PBRM1: variants seen among roughly 807,000 people sequenced by gnomAD.
PBRM1 encodes polybromo 1, also known as protein polybromo-1.
PBRM1 carries 27 observed loss-of-function variants against 194.5 expected under a neutral mutation model. The ratio of observed to expected loss-of-function variants is 0.14; its 90% CI spans 0.10 to 0.19. PBRM1 has a LOEUF of 0.19. PBRM1 is among the 10% of genes least tolerant of loss of function. PBRM1 has a pLI of 1.00. For missense variants in PBRM1, 1,466 were observed against 2,077.2 expected (o/e 0.71, Z 5.72); for synonymous variants, 655 against 693.2 (o/e 0.94, Z 0.87).
chr3:52,548,836 T>C (rs2080124442), intron 29 of PBRM1, among the ~76,000 whole-genome samples: 1 of 152,166 alleles, frequency 6.6e-6, no homozygotes, highest in East Asian at 1.9e-4. Flanking sequence ...CCTTCTACTC[T>C]AAAGAAATGA....
At position 52,571,856 on chromosome 3, in the gene PBRM1, C is replaced by CAAAAAA. The variant is rs58430288; in HGVS notation, c.3691+4679_3691+4684dup. On this transcript the variant is annotated intron_variant, in intron 22 of 29. Coordinates refer to ENST00000296302, the Ensembl canonical transcript of PBRM1. ...GAGCAAGAGGGATACCTCATCTCCC[C>CAAAAAA]AAAAAAAAAAAAAAAAAAAAAAAAA... Among the ~76,000 whole-genome samples the CAAAAAA allele has an allele frequency of 2.1e-3, 77 of 37,086 alleles. 28 individuals are homozygous for CAAAAAA. Among genetic ancestry groups the CAAAAAA allele is most frequent in the African/African-American group, 7.5e-3 (65 of 8,724 alleles). The allele number at this position is 37,086 out of a possible 152,430, so 24.3% of individuals were successfully genotyped here. A position where few individuals can be genotyped will look rare whatever the true frequency, so the allele number is the denominator to read the frequency against.
intron 15 of PBRM1, among the ~76,000 whole-genome samples, chr3:52,611,959 C>T (rs999453402): frequency 1.4e-4 from 21 of 151,922 alleles, no homozygotes; most frequent in African/African-American, 5.1e-4. Context: ...GGGGAGTTTA[C>T]AGATTAAAAG....
At chr3:52,660,541 C>T (rs2096701778) in intron 4 of PBRM1, among the ~76,000 whole-genome samples, 1 of 151,724 alleles carries the variant, frequency 6.6e-6, no homozygotes, top group African/African-American at 2.4e-5. Context: ...TAGACAGAGT[C>T]TCATTCTAAG....
In PBRM1 at chr3:52,624,916, C is replaced by T. The variant is rs989376023; in HGVS notation, c.1541+2357G>A. ...GCACACCTGGATAGCCTCCTGAGAC[C>T]CAACATCTCACTGTCATGAGTGTTC... is the stretch of plus-strand genomic sequence containing the variant. On this transcript the variant is annotated intron_variant, in intron 13 of 29. Transcript: ENST00000296302. The T allele has an allele frequency of 5.8e-6, 9 of 1,547,752 alleles. No individual in the cohort carries two copies. In the African/African-American group the frequency reaches 1.1e-4, roughly 19 times the overall value.
chr3:52,670,539 G>C (rs867256594), intron 2 of PBRM1, among the ~76,000 whole-genome samples: 26 of 152,250 alleles, frequency 1.7e-4, no homozygotes, highest in African/African-American at 5.5e-4. Context: ...CAATAGATGA[G>C]GGCAGTCTGG....
At chr3:52,652,872 C>T (rs1044111274) in intron 5 of PBRM1, among the ~76,000 whole-genome samples, 1 of 150,904 alleles carries the variant, frequency 6.6e-6, no homozygotes, top group African/African-American at 2.4e-5. Context: ...GTGGTGTGCG[C>T]CTGTAATCCC....
At chr3:52,605,568 G>A (rs543404912) in intron 16 of PBRM1, among the ~76,000 whole-genome samples, 5 of 150,194 alleles carry the variant, frequency 3.3e-5, no homozygotes, top group South Asian at 4.2e-4. Context: ...TAAAAGACAC[G>A]ATCAATAATC....
At chr3:52,545,410 A>T (rs573113588), downstream of PBRM1, 66 of 231,268 alleles carry the variant, frequency 2.9e-4, no homozygotes, top group African/African-American at 1.4e-3. Flanking sequence ...AAAGCTTTAG[A>T]TGAACAACAA....
At chr3:52,589,900 C>T (rs2092848095) in intron 17 of PBRM1, among the ~76,000 whole-genome samples, 1 of 152,022 alleles carries the variant, frequency 6.6e-6, no homozygotes, top group African/African-American at 2.4e-5. Context: ...ACAATCTCAG[C>T]TCACCACAAC....
At chr3:52,582,195 T>TGCGCCGCTGCAGTGAGCTGAGAC (rs1560056587) in intron 20 of PBRM1, among the ~76,000 whole-genome samples, 1 of 145,636 alleles carries the variant, frequency 6.9e-6, no homozygotes, top group East Asian at 2.2e-4. Flanking sequence ...TGAGCTGAGA[T>TGCGCCGCTGCAGTGAGCTGAGAC]TGCGCCACTG....
chr3:52,642,751 G>A (rs996146755), intron 9 of PBRM1, among the ~76,000 whole-genome samples: 2 of 151,436 alleles, frequency 1.3e-5, no homozygotes, highest in African/African-American at 2.4e-5. Flanking sequence ...CTTAAGCATC[G>A]TCTGAGAGGT....
intron 22 of PBRM1, among the ~76,000 whole-genome samples, chr3:52,572,493 C>T (rs1018518923): frequency 8.5e-5 from 13 of 152,166 alleles, no homozygotes; most frequent in African/African-American, 3.1e-4. Context: ...CTCCCTCAGC[C>T]TCTGAGTAGC....
In PBRM1 at chr3:52,665,151, A is replaced by ATAT. The variant is rs948245961; in HGVS notation, c.385-2878_385-2876dup. ...TGAATGGTACTGACTCCACAAATCA[A>ATAT]TATTATTATTATTATTGTTTTTAAA... On this transcript the variant is annotated intron_variant, in intron 3 of 29. Transcript: ENST00000296302. Among the ~76,000 whole-genome samples the ATAT allele has an allele frequency of 7.2e-5, 11 of 152,042 alleles. No individual in the cohort carries two copies. The South Asian group carries it at 1.5e-3, about 20-fold the overall frequency.
Position 52,587,542 on chromosome 3 carries a change from G to A in PBRM1, c.2966-32C>T, listed in dbSNP as rs745502153. 5 of 1,310,438 alleles carry A rather than the reference G, an allele frequency of 3.8e-6. No individual in the cohort carries two copies. In the African/African-American group the frequency reaches 6.1e-5, roughly 16 times the overall value. The allele number at this position is 1,310,438 out of a possible 1,614,324, so 81.2% of individuals were successfully genotyped here. A position where few individuals can be genotyped will look rare whatever the true frequency, so the allele number is the denominator to read the frequency against. ...AATGGGGGGTGGGGGAAGGGGAAGA[G>A]AAAGAGAATCATTGTTAACAGAAAT... On this transcript the variant is annotated intron_variant, in intron 18 of 29. Transcript: ENST00000296302.
intron 6 of PBRM1, among the ~76,000 whole-genome samples, chr3:52,650,490 T>TA (rs1295092753): frequency 6.6e-6 from 1 of 152,060 alleles, no homozygotes; most frequent in Non-Finnish European, 1.5e-5. Context: ...ACTACTCTCT[T>TA]AGAGTTTAAA....
chr3:52,635,667 T>C (rs930965281), intron 10 of PBRM1, among the ~76,000 whole-genome samples: 6 of 152,144 alleles, frequency 3.9e-5, no homozygotes, highest in African/African-American at 7.2e-5. Flanking sequence ...TACATAGAAA[T>C]AGAATATTAA....
chr3:52,637,045 G>C (rs938050628), intron 10 of PBRM1, among the ~76,000 whole-genome samples: 6 of 152,048 alleles, frequency 3.9e-5, no homozygotes, highest in Non-Finnish European at 5.9e-5. Context: ...AGGAACCAGA[G>C]TCATGGAGCT....
intron 13 of PBRM1, 100 bp from the exon 16 acceptor site, chr3:52,617,638 A>G (rs2095033795): frequency 1.2e-6 from 1 of 816,094 alleles, no homozygotes; most frequent in South Asian, 1.8e-5. Flanking sequence ...ATGGTGCTTT[A>G]TAATGATTAC....
intron 10 of PBRM1, among the ~76,000 whole-genome samples, chr3:52,635,562 T>C (rs1426268952): frequency 6.6e-6 from 1 of 152,012 alleles, no homozygotes; most frequent in Non-Finnish European, 1.5e-5. Flanking sequence ...GAAGACTCCA[T>C]CTCAAAAACA....
Sources: allele counts gnomAD v4.1 joint callset (sites outside exome capture counted in the v4.1 genomes callset), GRCh38; gene constraint gnomAD v4.1.1; transcripts MANE v1.5; gene names NCBI Gene and HGNC (gene_info 2026-07-23, HGNC 2026-07-21).